The following RGS7 variants were observed in gnomAD, a reference collection of about 807,000 sequenced individuals.
The protein encoded by RGS7 is regulator of G-protein signaling 7.
RGS7 carries 27 observed loss-of-function variants against 81.1 expected under a neutral mutation model. The ratio of observed to expected loss-of-function variants is 0.33; its 90% CI spans 0.25 to 0.46. RGS7 has a LOEUF of 0.46. RGS7 is among the 20% of genes least tolerant of loss of function. The pLI is 1.00. For missense variants in RGS7, 396 were observed against 607.4 expected (o/e 0.65, Z 3.66); for synonymous variants, 208 against 207.7 (o/e 1.00, Z -0.01).
In RGS7 at chr1:241,221,036, AGG is replaced by A. The variant is rs1491039338; in HGVS notation, c.79-122276_79-122275del. On this transcript the variant is annotated intron_variant, in intron 2 of 18. Coordinates refer to ENST00000440928, the MANE Select transcript of RGS7 (RefSeq NM_001364886.1). The stretch of plus-strand genomic sequence containing the variant: ...AAGGAAGGAAGGAAGGAAGGAAGGA[AGG>A]AAAAGAAAGAAAGAAAGAAAGAGAG... Among the ~76,000 whole-genome samples, 203 of 116,798 alleles carry A rather than the reference AGG, an allele frequency of 1.7e-3. 3 individuals carry two copies. Among genetic ancestry groups the A allele is most frequent in the African/African-American group, 4.3e-3 (148 of 34,348 alleles). The allele number at this position is 116,798 out of a possible 152,430, so 76.6% of individuals were successfully genotyped here.
chr1:241,142,306 T>C (rs1406147068), intron 2 of RGS7, among the ~76,000 whole-genome samples: 1 of 152,214 alleles, frequency 6.6e-6, no homozygotes, highest in Non-Finnish European at 1.5e-5. Flanking sequence ...AAGGCCCCAG[T>C]AGGGACTCTG....
chr1:240,948,622 T>C (rs1679043916), intron 4 of RGS7, among the ~76,000 whole-genome samples: 1 of 151,950 alleles, frequency 6.6e-6, no homozygotes, highest in Non-Finnish European at 1.5e-5. Context: ...TTTATAATTT[T>C]AGTAGAGACT....
At chr1:240,895,884 C>A (rs1351615123) in intron 6 of RGS7, among the ~76,000 whole-genome samples, 1 of 152,108 alleles carries the variant, frequency 6.6e-6, no homozygotes, top group Non-Finnish European at 1.5e-5. Flanking sequence ...CAATGGTTGA[C>A]CTAGTTTACA....
chr1:240,900,432 C>T (rs1669797501), intron 6 of RGS7, among the ~76,000 whole-genome samples: 1 of 152,150 alleles, frequency 6.6e-6, no homozygotes, highest in Non-Finnish European at 1.5e-5. Context: ...GTTTTATCTA[C>T]CTTTGGTCTT....
rs989308361 is a variant in RGS7 at position 241,144,351 on chromosome 1, T to C, written c.79-45589A>G. On this transcript the variant is annotated intron_variant, in intron 2 of 18. Coordinates refer to ENST00000440928, the MANE Select transcript of RGS7 (RefSeq NM_001364886.1). This position sits in a 1 kb window ranked among gnomAD's most constrained non-coding sequence, Gnocchi z 4.7. Reference sequence around the variant, plus strand: ...ATGTGGATACGCACAGGCACACACATCCAAATACACTGCAGGTAAGACCCA... The same window carrying C: ...ATGTGGATACGCACAGGCACACACACCCAAATACACTGCAGGTAAGACCCA... Among the ~76,000 whole-genome samples, 2 of 152,124 alleles carry C rather than the reference T, an allele frequency of 1.3e-5. No homozygotes were observed. The highest frequency in any genetic ancestry group is 4.8e-5 in the African/African-American group (2 of 41,414).
intron 2 of RGS7, among the ~76,000 whole-genome samples, chr1:241,314,812 C>T (rs1250528881): frequency 6.6e-6 from 1 of 152,102 alleles, no homozygotes; most frequent in African/African-American, 2.4e-5. Flanking sequence ...TAGGCTGTAG[C>T]ATGAGCTAAC....
intron 18 of RGS7, among the ~76,000 whole-genome samples, chr1:240,781,764 C>T (rs1287048215): frequency 2.6e-5 from 4 of 152,184 alleles, no homozygotes; most frequent in African/African-American, 9.7e-5. Context: ...CCTGTAATCC[C>T]AGCACTTTGG....
chr1:241,035,244 G>T (rs763612453), intron 3 of RGS7, among the ~76,000 whole-genome samples: 4 of 152,258 alleles, frequency 2.6e-5, no homozygotes, highest in Non-Finnish European at 4.4e-5. Flanking sequence ...CAAGTGAAGT[G>T]ATGTAAAGGG....
At chr1:240,944,282 GTATATATATATATA>G (rs760788169) in intron 4 of RGS7, among the ~76,000 whole-genome samples, 5,398 of 55,910 alleles carry the variant, frequency 0.097, 410 homozygotes, top group South Asian at 0.12. Flanking sequence ...GTGTGTGTGT[GTATATATATATATA>G]TATATATATA....
At chr1:240,819,296 T>C (rs2103133496) in intron 10 of RGS7, among the ~76,000 whole-genome samples, 1 of 152,330 alleles carries the variant, frequency 6.6e-6, no homozygotes, top group Non-Finnish European at 1.5e-5. Flanking sequence ...AGTAAGTTTT[T>C]AGGCGAAGAT....
At chr1:240,965,755 C>G (rs1682185322) in intron 4 of RGS7, among the ~76,000 whole-genome samples, 1 of 152,148 alleles carries the variant, frequency 6.6e-6, no homozygotes, top group African/African-American at 2.4e-5. Flanking sequence ...CCTGTTGGCT[C>G]TAAGCTGGAC....
intron 3 of RGS7, among the ~76,000 whole-genome samples, chr1:241,065,669 T>C (rs183856016): frequency 4.6e-5 from 7 of 152,336 alleles, no homozygotes; most frequent in African/African-American, 1.4e-4. Context: ...TTACTTATGG[T>C]TATTCTTAAA....
At chr1:241,341,870 C>CTTTA (rs1553325645) in intron 2 of RGS7, among the ~76,000 whole-genome samples, 107 of 89,526 alleles carry the variant, frequency 1.2e-3, no homozygotes, top group South Asian at 0.011. Flanking sequence ...CTCTTCAACT[C>CTTTA]TTTTTTTTTT....
At chr1:241,145,692 C>T (rs982356115) in intron 2 of RGS7, among the ~76,000 whole-genome samples, 1 of 152,014 alleles carries the variant, frequency 6.6e-6, no homozygotes, top group Admixed American at 6.6e-5. Flanking sequence ...TGCAGTGAGC[C>T]GAGATCATGC....
chr1:241,268,999 T>C (rs1362628672), intron 2 of RGS7, among the ~76,000 whole-genome samples: 1 of 152,240 alleles, frequency 6.6e-6, no homozygotes, highest in African/African-American at 2.4e-5. Context: ...ACAAATGTGA[T>C]TCCTCATTTA....
intron 2 of RGS7, among the ~76,000 whole-genome samples, chr1:241,294,848 G>C (rs2148469010): frequency 6.6e-6 from 1 of 150,950 alleles, no homozygotes; most frequent in South Asian, 2.1e-4. Context: ...ATAAAGTCCA[G>C]GTGTGTAGGA....
intron 4 of RGS7, among the ~76,000 whole-genome samples, chr1:240,982,008 C>T (rs1008003925): frequency 6.6e-6 from 1 of 152,164 alleles, no homozygotes; most frequent in African/African-American, 2.4e-5. Flanking sequence ...GTAATGCCAG[C>T]TTTTCATAAC....
At chr1:241,345,860 C>CA (rs1002264751) in intron 2 of RGS7, among the ~76,000 whole-genome samples, 45 of 152,042 alleles carry the variant, frequency 3.0e-4, no homozygotes, top group African/African-American at 1.1e-3. Context: ...TACTAAAATA[C>CA]AAAAAATAAG....
At chr1:241,346,228 A>T (rs529038905) in intron 2 of RGS7, among the ~76,000 whole-genome samples, 9 of 152,262 alleles carry the variant, frequency 5.9e-5, no homozygotes, top group African/African-American at 2.2e-4. Context: ...TAAATAATTT[A>T]TATCAGTCAG....
Sources: gnomAD v4.1 joint callset for allele counts (sites outside exome capture counted in the v4.1 genomes callset) on GRCh38, gnomAD v4.1.1 for gene constraint, Gnocchi (gnomAD v3.1) non-coding constraint, MANE v1.5 for transcripts, NCBI Gene and HGNC (gene_info 2026-07-23, HGNC 2026-07-21) for gene names.